The following ARHGAP32 variants were observed in gnomAD, a reference collection of about 807,000 sequenced individuals.
ARHGAP32 encodes the protein rho GTPase-activating protein 32.
ARHGAP32 carries 51 observed loss-of-function variants against 186.5 expected under a neutral mutation model. The observed-to-expected ratio is 0.27, with a 90% CI of 0.22 to 0.35. The LOEUF is 0.35. ARHGAP32 is among the 10% of genes least tolerant of loss of function. The pLI is 1.00. For synonymous variants in ARHGAP32, 950 were observed against 964.3 expected, an observed-to-expected ratio of 0.99 and a Z score of 0.27; for missense variants, 2,186 against 2,623.5, an observed-to-expected ratio of 0.83 and a Z score of 3.64.
chr11:129,160,048 A>C (rs1243242044), intron 2 of ARHGAP32, among the ~76,000 whole-genome samples: 1 of 152,242 alleles, frequency 6.6e-6, no homozygotes, highest in Non-Finnish European at 1.5e-5. Context: ...ATAAAATTCA[A>C]CACTGCTTCA....
At chr11:128,984,456 T>C (rs1390034457) in intron 15 of ARHGAP32, among the ~76,000 whole-genome samples, 1 of 151,906 alleles carries the variant, frequency 6.6e-6, no homozygotes, top group Admixed American at 6.6e-5. Flanking sequence ...TTAAATAACA[T>C]GGCATATCCA....
At chr11:129,075,214 G>A (rs1565409447) in intron 6 of ARHGAP32, among the ~76,000 whole-genome samples, 1 of 152,052 alleles carries the variant, frequency 6.6e-6, no homozygotes, top group Non-Finnish European at 1.5e-5. Context: ...AAGACAAACT[G>A]TCAGAGTGGA....
intron 1 of ARHGAP32, among the ~76,000 whole-genome samples, chr11:129,171,906 C>G (rs781498522): frequency 5.9e-5 from 9 of 151,628 alleles, no homozygotes; most frequent in Non-Finnish European, 7.4e-5. Flanking sequence ...AACAGTATTC[C>G]TAGGTATTTT....
intron 10 of ARHGAP32, among the ~76,000 whole-genome samples, chr11:129,044,478 G>A (rs904974959): frequency 5.3e-5 from 8 of 152,080 alleles, no homozygotes; most frequent in Admixed American, 3.3e-4. Context: ...CAAGCTTAGC[G>A]TTCCAATAAT....
At chr11:129,146,601 T>C (rs957351024) in intron 2 of ARHGAP32, among the ~76,000 whole-genome samples, 4 of 152,124 alleles carry the variant, frequency 2.6e-5, no homozygotes, top group Admixed American at 6.6e-5. Flanking sequence ...TATAGCATTT[T>C]ATTAGATTTC....
rs188653645 is a variant in ARHGAP32, at chr11:129,278,372, T to C, written c.-5+774A>G. ...TTAAACTGCATCCCAAGCATTCTGC[T>C]TGGGTCTCCTCCTTCCTTCCATCTT... On this transcript the variant is annotated intron_variant, in intron 1 of 6. Transcript: ENST00000525234. Among the ~76,000 whole-genome samples the C allele has an allele frequency of 2.0e-4, 31 of 152,316 alleles. No homozygotes were observed. In the East Asian group the frequency reaches 5.2e-3, roughly 26 times the overall value.
chr11:129,090,650 C>A (rs1023006436), intron 6 of ARHGAP32, among the ~76,000 whole-genome samples: 16 of 152,130 alleles, frequency 1.1e-4, no homozygotes, highest in Middle Eastern at 3.4e-3. Flanking sequence ...AAAAAAACGC[C>A]CACCACAGAT....
intron 5 of ARHGAP32, among the ~76,000 whole-genome samples, chr11:129,115,713 G>C (rs762855124): frequency 6.6e-6 from 1 of 152,034 alleles, no homozygotes. Context: ...CTGGGCTAAG[G>C]GACTGAACTT....
chr11:128,981,339 A>G (rs1386486731), intron 17 of ARHGAP32, 77 bp downstream of exon 17: 8 of 1,458,812 alleles, frequency 5.5e-6, no homozygotes, highest in East Asian at 2.3e-5. Context: ...TGTTGTTGCA[A>G]TAAGAAATGC....
At chr11:129,115,473 G>C (rs938975143) in intron 5 of ARHGAP32, among the ~76,000 whole-genome samples, 1 of 152,056 alleles carries the variant, frequency 6.6e-6, no homozygotes, top group Admixed American at 6.6e-5. Flanking sequence ...CTGAGTATCT[G>C]ATAAAGTAAC....
In ARHGAP32 at chr11:128,970,028, C is replaced by T. The variant is rs898360725; in HGVS notation, c.5185G>A (p.Val1729Met). Residue 1729 changes from valine (V) to methionine (M), a missense_variant, in exon 23 of 23, where the codon GTG becomes ATG. Val to Met is a conservative substitution (Grantham distance 21). This residue lies in a region of ARHGAP32 where 1,502 missense variants were observed against 1,570.0 expected (regional missense o/e 0.96). Coordinates refer to ENST00000682385, the MANE Select transcript of ARHGAP32 (RefSeq NM_001378024.1). The surrounding 1 kb of genome is among the most constrained non-coding windows in gnomAD (Gnocchi z 5.8). ...TCGTTGGGAGAGAAATAGCCAGTCA[C>T]GTTGGCCCGGGGACGTGGAGCCAAA... ...AGLAPRPRAN[V>M]TGYFSPNDHN... The T allele has an allele frequency of 5.0e-6, 8 of 1,614,174 alleles. No homozygotes were observed. Among genetic ancestry groups the T allele is most frequent in the Middle Eastern group, 3.3e-4 (2 of 6,062 alleles).
intron 1 of ARHGAP32, among the ~76,000 whole-genome samples, chr11:129,214,836 C>T (rs1944625488): frequency 6.6e-6 from 1 of 152,206 alleles, no homozygotes. Context: ...ACCACATGGT[C>T]TCTATCACAG....
chr11:129,193,548 T>A (rs375716226), upstream of ARHGAP32, among the ~76,000 whole-genome samples: 19,336 of 46,270 alleles, frequency 0.42, 3,744 homozygotes, highest in Admixed American at 0.48. Context: ...ATATTATATA[T>A]AATATATATA....
At chr11:128,994,141 A>G (rs1946135260) in intron 12 of ARHGAP32, among the ~76,000 whole-genome samples, 1 of 149,996 alleles carries the variant, frequency 6.7e-6, no homozygotes, top group African/African-American at 2.5e-5. Flanking sequence ...AAATTGGAAA[A>G]CTCTCTTTCA....
At chr11:128,999,469 T>C (rs1946293584) in intron 11 of ARHGAP32, among the ~76,000 whole-genome samples, 1 of 152,148 alleles carries the variant, frequency 6.6e-6, no homozygotes, top group South Asian at 2.1e-4. Context: ...CTGCCCCCAT[T>C]TGCCTTGTGA....
At chr11:129,215,063 A>C (rs2135597823) in intron 1 of ARHGAP32, among the ~76,000 whole-genome samples, 1 of 152,228 alleles carries the variant, frequency 6.6e-6, no homozygotes, top group Non-Finnish European at 1.5e-5. Context: ...CACATCCTCT[A>C]CTCAGGTGTT....
intron 5 of ARHGAP32, among the ~76,000 whole-genome samples, chr11:129,105,558 CTT>C (rs1942026117): frequency 6.6e-6 from 1 of 152,028 alleles, no homozygotes; most frequent in Non-Finnish European, 1.5e-5. Context: ...AGAAGAAAGA[CTT>C]TACTAAATAC....
Position 129,066,844 on chromosome 11 carries a change from T to G in ARHGAP32, c.556A>C (p.Ser186Arg). Residue 186 changes from serine to arginine, a missense_variant, in exon 7 of 23, where the codon AGT becomes CGT. Ser to Arg is a moderately radical substitution (Grantham distance 110). Around this residue, in one of 5 missense-constraint regions of ARHGAP32, gnomAD observed 308 missense variants for 596.5 expected, o/e 0.52. Transcript: ENST00000682385. ...CQGKSWIVKR[S>R]YEDFRVLDKH... Reference sequence around the variant, plus strand: ...TCAAGTACCCGAAAATCTTCATAACTTCTTTTAACAATCCAACTTTTTCCC... The same window carrying G: ...TCAAGTACCCGAAAATCTTCATAACGTCTTTTAACAATCCAACTTTTTCCC... The G allele has an allele frequency of 6.2e-7, 1 of 1,608,752 alleles. No homozygotes were observed. Among genetic ancestry groups the G allele is most frequent in the Non-Finnish European group, 8.5e-7 (1 of 1,177,088 alleles).
At chr11:129,062,764 T>A (rs1477634426) in intron 9 of ARHGAP32, among the ~76,000 whole-genome samples, 1 of 152,158 alleles carries the variant, frequency 6.6e-6, no homozygotes. Context: ...CAGATTCCCT[T>A]AATATTACAT....
Sources: gnomAD v4.1 joint callset for allele counts (sites outside exome capture counted in the v4.1 genomes callset) on GRCh38, gnomAD v4.1.1 for gene constraint, gnomAD v4.1.1 regional missense constraint, Gnocchi (gnomAD v3.1) non-coding constraint, MANE v1.5 for transcripts, NCBI Gene and HGNC (gene_info 2026-07-23, HGNC 2026-07-21) for gene names.